Variants in HDAC9 observed in about 807,000 individuals in gnomAD.
HDAC9 encodes the protein MEF-2 interacting transcription repressor (MITR) protein.
HDAC9 carries 41 observed loss-of-function variants against 139.4 expected under a neutral mutation model. That is an observed-to-expected ratio of 0.29 (90% CI 0.23 to 0.38). The LOEUF (loss-of-function observed/expected upper bound fraction) is 0.38. Ranked by LOEUF, HDAC9 falls within the 10% of genes least tolerant of loss-of-function variation. HDAC9 has a pLI of 1.00. For synonymous variants in HDAC9, 517 were observed against 476.2 expected, an observed-to-expected ratio of 1.09 and a Z score of -1.12; for missense variants, 1,147 against 1,297.0, an observed-to-expected ratio of 0.88 and a Z score of 1.78.
intron 11 of HDAC9, among the ~76,000 whole-genome samples, chr7:18,655,142 A>G (rs757648319): frequency 4.6e-5 from 7 of 152,166 alleles, no homozygotes; most frequent in African/African-American, 7.2e-5. Flanking sequence ...GTTTTGAAAA[A>G]TGGATGAGTA....
intron 1 of HDAC9, among the ~76,000 whole-genome samples, chr7:18,479,715 CTATT>C (rs1266816099): frequency 6.6e-6 from 1 of 151,968 alleles, no homozygotes. Flanking sequence ...ATGTATCTCC[CTATT>C]TTTTTCTTTA....
At chr7:18,118,233 C>G (rs1053255421) in intron 1 of HDAC9, among the ~76,000 whole-genome samples, 2 of 152,200 alleles carry the variant, frequency 1.3e-5, no homozygotes, top group African/African-American at 4.8e-5. Flanking sequence ...ATCTTGCTTT[C>G]TCTTGCCTTG....
At chr7:18,541,458 C>G (rs1288882474) in intron 2 of HDAC9, among the ~76,000 whole-genome samples, 1 of 152,134 alleles carries the variant, frequency 6.6e-6, no homozygotes, top group African/African-American at 2.4e-5. Context: ...AAGCTAATGA[C>G]TCTAATTGGG....
intron 23 of HDAC9, among the ~76,000 whole-genome samples, chr7:18,943,973 C>G (rs2129316780): frequency 6.6e-6 from 1 of 152,214 alleles, no homozygotes; most frequent in East Asian, 1.9e-4. Context: ...TTCCCCCAAT[C>G]TATTTGGTCA....
chr7:18,306,993 T>C (rs1157259823), intron 1 of HDAC9, among the ~76,000 whole-genome samples: 15 of 152,092 alleles, frequency 9.9e-5, no homozygotes, highest in Admixed American at 8.5e-4. Context: ...ACAGTTAACA[T>C]TGTGACATGT....
chr7:18,285,787 G>A (rs941767631), upstream of HDAC9, among the ~76,000 whole-genome samples: 1 of 151,980 alleles, frequency 6.6e-6, no homozygotes, highest in South Asian at 2.1e-4. Flanking sequence ...GTGTTCCAGT[G>A]GTAGTTTTTC....
At chr7:18,650,758 TTTGA>T (rs904971538) in intron 11 of HDAC9, among the ~76,000 whole-genome samples, 2 of 152,146 alleles carry the variant, frequency 1.3e-5, no homozygotes, top group Non-Finnish European at 2.9e-5. Context: ...TGTACAGTGG[TTTGA>T]TTATTAAATC....
chr7:18,992,018 G>C (rs544882007), intron 25 of HDAC9, among the ~76,000 whole-genome samples: 4 of 152,338 alleles, frequency 2.6e-5, no homozygotes, highest in Non-Finnish European at 4.4e-5. Flanking sequence ...AGTATTGCTA[G>C]CATGGGTGGA....
intron 2 of HDAC9, among the ~76,000 whole-genome samples, chr7:18,183,010 GA>G (rs1475682366): frequency 7.2e-6 from 1 of 138,530 alleles, no homozygotes; most frequent in Non-Finnish European, 1.5e-5. Context: ...CTTAACATAT[GA>G]TTTTTTTTTT....
intron 1 of HDAC9, among the ~76,000 whole-genome samples, chr7:18,382,359 T>C (rs570570641): frequency 1.2e-4 from 19 of 152,384 alleles, no homozygotes; most frequent in African/African-American, 4.6e-4. Context: ...CTGGAAGTTC[T>C]AATGAATGTA....
At chr7:18,703,242 C>T (rs962721381) in intron 12 of HDAC9, among the ~76,000 whole-genome samples, 5 of 151,990 alleles carry the variant, frequency 3.3e-5, no homozygotes, top group Admixed American at 6.6e-5. Context: ...TGTTTCATTT[C>T]TGAACAGGTG....
At chr7:18,392,633 C>T (rs921154048) in intron 1 of HDAC9, among the ~76,000 whole-genome samples, 7 of 151,976 alleles carry the variant, frequency 4.6e-5, no homozygotes, top group African/African-American at 1.7e-4. Flanking sequence ...AAGAGATTGA[C>T]CTCTGTGTAT....
chr7:18,786,911 C>G (rs566055850), intron 16 of HDAC9, among the ~76,000 whole-genome samples: 1 of 149,648 alleles, frequency 6.7e-6, no homozygotes, highest in East Asian at 2.0e-4. Flanking sequence ...TGCACATTAC[C>G]GATATTCTGG....
chr7:18,901,069 T>C (rs1015308696), intron 22 of HDAC9, among the ~76,000 whole-genome samples: 1 of 152,012 alleles, frequency 6.6e-6, no homozygotes, highest in Non-Finnish European at 1.5e-5. Flanking sequence ...TTTTCAAAGA[T>C]TGCTTAAGTC....
intron 1 of HDAC9, among the ~76,000 whole-genome samples, chr7:18,316,851 T>G (rs1043162853): frequency 6.6e-6 from 1 of 150,422 alleles, no homozygotes; most frequent in Non-Finnish European, 1.5e-5. Flanking sequence ...TCCAGCACTT[T>G]GGGAGGCCGA....
intron 1 of HDAC9, among the ~76,000 whole-genome samples, chr7:18,320,448 T>C (rs1799947826): frequency 6.6e-6 from 1 of 152,206 alleles, no homozygotes; most frequent in African/African-American, 2.4e-5. Context: ...TGTCCAACCT[T>C]GAAAGATGTG....
At chr7:18,688,629 C>G (rs1584845956) in intron 12 of HDAC9, among the ~76,000 whole-genome samples, 2 of 151,792 alleles carry the variant, frequency 1.3e-5, no homozygotes, top group African/African-American at 4.8e-5. Context: ...AAACCTTCTT[C>G]CAATACACAA....
intron 22 of HDAC9, among the ~76,000 whole-genome samples, chr7:18,904,712 A>G (rs1264189743): frequency 4.0e-5 from 6 of 149,558 alleles, no homozygotes; most frequent in Non-Finnish European, 7.4e-5. Context: ...AGTAGCTGGG[A>G]CTACAGGCAA....
In HDAC9 at chr7:18,361,818, GAAA is replaced by G. The variant is rs200411524; in HGVS notation, c.-42+71312_-42+71314del. Among the ~76,000 whole-genome samples, 470 of 145,178 alleles carry G rather than the reference GAAA, an allele frequency of 3.2e-3. 2 individuals are homozygous for G. The highest frequency in any genetic ancestry group is 0.011 in the African/African-American group (458 of 39,948). On this transcript the variant is annotated intron_variant, in intron 1 of 3. Coordinates refer to the HDAC9 transcript ENST00000413509. ...ATTTCGTTTATTGCAAGGAGAGAGA[GAAA>G]AAAAAAAACATTCTGGCATAAAGCC... is the stretch of plus-strand genomic sequence containing the variant.
Sources: gnomAD v4.1 joint callset for allele counts (sites outside exome capture counted in the v4.1 genomes callset) on GRCh38, gnomAD v4.1.1 for gene constraint, MANE v1.5 for transcripts, NCBI Gene and HGNC (gene_info 2026-07-23, HGNC 2026-07-21) for gene names.